The following PDE10A variants were observed in gnomAD, a reference collection of about 807,000 sequenced individuals.
PDE10A encodes the protein cAMP and cAMP-inhibited cGMP 3',5'-cyclic phosphodiesterase 10A.
In PDE10A, 39 loss-of-function variants were observed where a neutral mutation model predicts 97.7. The observed-to-expected ratio is 0.40, with a 90% CI of 0.31 to 0.52. The LOEUF is 0.52. Ranked by LOEUF, PDE10A falls within the 20% of genes least tolerant of loss-of-function variation. The probability of loss-of-function intolerance (pLI) is 0.56; values close to 1 mark genes in which losing one functional copy is unlikely to be tolerated. For missense variants in PDE10A, 731 were observed against 1,047.8 expected, an observed-to-expected ratio of 0.70 and a Z score of 4.17; for synonymous variants, 371 against 376.8, an observed-to-expected ratio of 0.98 and a Z score of 0.18.
At chr6:165,758,413 A>G (rs1263078017) in intron 1 of PDE10A, among the ~76,000 whole-genome samples, 1 of 152,156 alleles carries the variant, frequency 6.6e-6, no homozygotes, top group East Asian at 1.9e-4. Context: ...GTGAGCCGAG[A>G]TTGTGTCACT....
At chr6:165,629,407 T>C (rs1036883605) in intron 1 of PDE10A, among the ~76,000 whole-genome samples, 1 of 152,136 alleles carries the variant, frequency 6.6e-6, no homozygotes, top group African/African-American at 2.4e-5. Flanking sequence ...ACTGCATTTA[T>C]ACAGCCAGAA....
chr6:165,662,063 C>T lies in PDE10A; in HGVS notation c.749G>A (p.Gly250Asp), dbSNP rs1790298037. 16 of 1,411,088 alleles carry T rather than the reference C, an allele frequency of 1.1e-5. No homozygotes were observed. The highest frequency in any genetic ancestry group is 2.3e-4 in the Middle Eastern group (1 of 4,400). 87.4% of individuals were successfully genotyped at this position (1,411,088 alleles called of 1,614,324 possible). A position where few individuals can be genotyped will look rare whatever the true frequency, so the allele number is the denominator to read the frequency against. Residue 250 changes from glycine (G) to aspartate (D), a missense_variant, in exon 1 of 22, where the codon GGC becomes GAC. Coordinates refer to ENST00000539869, the MANE Select transcript of PDE10A (RefSeq NM_001385079.1). ...GGGQTPRRPQGASFALAAAAA... is the reference protein window; with the variant it reads ...GGGQTPRRPQDASFALAAAAA... ...CGCGGCGGCGAGGGCGAAGCTGGCG[C>T]CCTGGGGACGCCGCGGAGTTTGGCC...
intron 1 of PDE10A, among the ~76,000 whole-genome samples, chr6:165,653,860 C>T (rs1766688769): frequency 6.6e-6 from 1 of 152,180 alleles, no homozygotes; most frequent in South Asian, 2.1e-4. Context: ...ATCCACCGTG[C>T]CAGCTTTCTC....
At chr6:165,804,803 G>A (rs1386881079) in intron 1 of PDE10A, among the ~76,000 whole-genome samples, 2 of 151,836 alleles carry the variant, frequency 1.3e-5, no homozygotes, top group South Asian at 2.1e-4. Context: ...GGGCCGGGCC[G>A]CGGGCGGAGA....
chr6:165,413,587 T>C lies in PDE10A; in HGVS notation c.1990A>G (p.Ile664Val), dbSNP rs1438525087. ...VIGVVQMVNK[I>V]SGSAFSKTDE... is the part of the protein sequence containing the mutation. The stretch of plus-strand genomic sequence containing the variant: ...GTTTTAGAGAAGGCACTGCCACTGA[T>C]TTTGTTGACCATCTGCACCACACCT... Residue 664 changes from isoleucine (I) to valine (V), a missense_variant, in exon 13 of 22, where the codon ATC becomes GTC. Transcript: ENST00000539869. 1.2e-6 allele frequency: 2 copies of C among 1,614,020 alleles called. No individual in the cohort carries two copies. The highest frequency in any genetic ancestry group is 2.7e-5 in the African/African-American group (2 of 74,942).
intron 1 of PDE10A, among the ~76,000 whole-genome samples, chr6:165,613,510 G>T (rs537978104): frequency 2.6e-5 from 4 of 152,032 alleles, no homozygotes; most frequent in African/African-American, 9.7e-5. Context: ...GTGGTGGTAC[G>T]CACCTATAGT....
intron 1 of PDE10A, among the ~76,000 whole-genome samples, chr6:165,987,307 C>T (rs1320399850): frequency 6.6e-6 from 1 of 152,178 alleles, no homozygotes; most frequent in African/African-American, 2.4e-5. Flanking sequence ...TTATATACTC[C>T]CTTTTCTTCT....
At position 165,440,797 on chromosome 6, in the gene PDE10A, A is replaced by C. The variant is rs538394135; in HGVS notation, c.1195-5420T>G. Among the ~76,000 whole-genome samples, 27 of 151,586 alleles carry C rather than the reference A, an allele frequency of 1.8e-4. No homozygotes were observed. The East Asian group carries it at 5.2e-3, about 29-fold the overall frequency. On this transcript the variant is annotated intron_variant, in intron 5 of 21. Coordinates refer to ENST00000539869, the MANE Select transcript of PDE10A (RefSeq NM_001385079.1). ...TAAATTATGGAAAGGTTGTTTTTAAAATAACCTATATATATATATACAATA... is the reference window on the plus strand; with the variant it reads ...TAAATTATGGAAAGGTTGTTTTTAACATAACCTATATATATATATACAATA...
At chr6:165,583,247 C>T (rs1412048442) in intron 1 of PDE10A, among the ~76,000 whole-genome samples, 2 of 152,122 alleles carry the variant, frequency 1.3e-5, no homozygotes, top group Non-Finnish European at 2.9e-5. Flanking sequence ...AAATGTGTAC[C>T]TGAGCTATGT....
intron 1 of PDE10A, among the ~76,000 whole-genome samples, chr6:165,809,977 C>T (rs998614350): frequency 1.1e-4 from 17 of 152,232 alleles, no homozygotes; most frequent in African/African-American, 3.1e-4. Context: ...AATATGCTGG[C>T]GGAATATGCA....
chr6:165,636,716 C>G (rs866179099), intron 1 of PDE10A, among the ~76,000 whole-genome samples: 1 of 152,162 alleles, frequency 6.6e-6, no homozygotes, highest in South Asian at 2.1e-4. Context: ...TGCATCTGCC[C>G]GAACACATTT....
intron 1 of PDE10A, among the ~76,000 whole-genome samples, chr6:165,734,031 G>A (rs140313723): frequency 6.6e-6 from 1 of 152,278 alleles, no homozygotes; most frequent in Non-Finnish European, 1.5e-5. Flanking sequence ...ACAGGGAGCT[G>A]AGCAGCTGCC....
At chr6:165,546,845 T>C (rs538917791) in intron 1 of PDE10A, among the ~76,000 whole-genome samples, 3 of 152,214 alleles carry the variant, frequency 2.0e-5, no homozygotes, top group South Asian at 4.1e-4. Flanking sequence ...TGGTTACATA[T>C]AGGAATATTG....
At chr6:165,446,737 G>A (rs1056286327) in intron 5 of PDE10A, among the ~76,000 whole-genome samples, 2 of 152,160 alleles carry the variant, frequency 1.3e-5, no homozygotes, top group African/African-American at 4.8e-5. Flanking sequence ...GGGAAGCTCA[G>A]AGACAGCTAC....
chr6:165,732,914 G>A (rs897320399), intron 1 of PDE10A, among the ~76,000 whole-genome samples: 2 of 152,112 alleles, frequency 1.3e-5, no homozygotes, highest in African/African-American at 2.4e-5. Context: ...GCTCTCCTTC[G>A]CGTGCTGGTT....
In PDE10A at chr6:165,934,240, T is replaced by C. The variant is rs1318128631; in HGVS notation, c.-615+53289A>G. 2.7e-5 allele frequency among the ~76,000 whole-genome samples: 4 copies of C among 150,164 alleles called. No individual in the cohort carries two copies. In the Admixed American group the frequency reaches 2.7e-4, roughly 10 times the overall value. On this transcript the variant is annotated intron_variant, in intron 1 of 19. Transcript: ENST00000366882. Reference sequence around the variant, plus strand: ...GTCTTGAGCTCCTGACCTCAAGTGATCCGCCAATCTTGGCCTCCCAAAGTG... The same window carrying C: ...GTCTTGAGCTCCTGACCTCAAGTGACCCGCCAATCTTGGCCTCCCAAAGTG...
At chr6:165,576,484 C>A in intron 1 of PDE10A, 1 of 780,152 alleles carries the variant, frequency 1.3e-6, no homozygotes, top group Non-Finnish European at 2.4e-6. Flanking sequence ...TCTCTACCCC[C>A]ATCTCTTCAA....
intron 10 of PDE10A, among the ~76,000 whole-genome samples, chr6:165,426,860 G>T (rs1480022400): frequency 2.0e-5 from 3 of 152,056 alleles, no homozygotes; most frequent in Non-Finnish European, 4.4e-5. Flanking sequence ...CAGCCAATAA[G>T]CACATGAAAA....
At chr6:165,882,402 G>C (rs1374020341) in intron 1 of PDE10A, among the ~76,000 whole-genome samples, 1 of 152,142 alleles carries the variant, frequency 6.6e-6, no homozygotes, top group Non-Finnish European at 1.5e-5. Flanking sequence ...TAATACCATT[G>C]TGTATTATAA....
Sources: gnomAD v4.1 joint callset for allele counts (sites outside exome capture counted in the v4.1 genomes callset) on GRCh38, gnomAD v4.1.1 for gene constraint, MANE v1.5 for transcripts, NCBI Gene and HGNC (gene_info 2026-07-23, HGNC 2026-07-21) for gene names.